The following CHRM3 variants were observed in gnomAD, a reference collection of about 807,000 sequenced individuals.
The protein encoded by CHRM3 is cholinergic receptor muscarinic 3, also known as muscarinic acetylcholine receptor M3.
CHRM3 carries 11 observed loss-of-function variants against 41.8 expected under a neutral mutation model. That is an observed-to-expected ratio of 0.26 (90% CI 0.17 to 0.44). The LOEUF (loss-of-function observed/expected upper bound fraction) is 0.44. Ranked by LOEUF, CHRM3 falls within the 20% of genes least tolerant of loss-of-function variation. The pLI, the probability that CHRM3 is intolerant of heterozygous loss-of-function variation, is 1.00. For synonymous variants in CHRM3, 297 were observed against 301.4 expected (o/e 0.99, Z 0.15); for missense variants, 571 against 745.4 (o/e 0.77, Z 2.72).
intron 5 of CHRM3, among the ~76,000 whole-genome samples, chr1:239,822,782 G>A (rs1433318084): frequency 6.6e-6 from 1 of 152,170 alleles, no homozygotes; most frequent in Non-Finnish European, 1.5e-5. Flanking sequence ...AATGAGACAT[G>A]GAAAGGGGAT....
chr1:239,571,980 A>G (rs1661871012), intron 3 of CHRM3, among the ~76,000 whole-genome samples: 1 of 152,136 alleles, frequency 6.6e-6, no homozygotes, highest in Non-Finnish European at 1.5e-5. Context: ...CTACCATTTA[A>G]TTATAAAACT....
rs112055547 is a variant in CHRM3, at chr1:239,437,426, T to G, written c.-521+50199T>G. 5.5e-3 allele frequency among the ~76,000 whole-genome samples: 840 copies of G among 152,346 alleles called. 11 individuals are homozygous for G. The highest frequency in any genetic ancestry group is 0.019 in the African/African-American group (795 of 41,574). On this transcript the variant is annotated intron_variant, in intron 1 of 6. Coordinates refer to ENST00000676153, the MANE Select transcript of CHRM3 (RefSeq NM_001375978.1). ...TATTTCTTGATGCCACTGTTGTTTCTTCCAGAACTCTAAAATTCTGCCACT... is the reference window on the plus strand; with the variant it reads ...TATTTCTTGATGCCACTGTTGTTTCGTCCAGAACTCTAAAATTCTGCCACT...
At chr1:239,486,117 G>A (rs1019793253) in intron 1 of CHRM3, among the ~76,000 whole-genome samples, 2 of 152,144 alleles carry the variant, frequency 1.3e-5, no homozygotes, top group African/African-American at 4.8e-5. Flanking sequence ...TGTAAGCCAC[G>A]TCCCCACACA....
intron 5 of CHRM3, chr1:239,727,905 G>T (rs1442962362): frequency 6.6e-6 from 1 of 152,006 alleles, no homozygotes; most frequent in South Asian, 2.1e-4. Context: ...TGCTGCCCTT[G>T]AAGTTTCCTT....
At chr1:239,627,817 G>A (rs1324328742) in intron 3 of CHRM3, among the ~76,000 whole-genome samples, 3 of 150,494 alleles carry the variant, frequency 2.0e-5, no homozygotes, top group African/African-American at 4.9e-5. Context: ...CTTTAAGAAC[G>A]TTGAATATTG....
chr1:239,684,736 G>GGAAAGAGAGAA (rs1558451957), intron 5 of CHRM3, among the ~76,000 whole-genome samples: 1 of 137,508 alleles, frequency 7.3e-6, no homozygotes, highest in African/African-American at 2.7e-5. Flanking sequence ...GGAAAGGAAA[G>GGAAAGAGAGAA]AGAGAAAGAA....
intron 4 of CHRM3, among the ~76,000 whole-genome samples, chr1:239,659,355 C>G (rs772100277): frequency 2.0e-5 from 3 of 152,116 alleles, no homozygotes; most frequent in Non-Finnish European, 4.4e-5. Flanking sequence ...TGGCAGATCC[C>G]TATGGATTTA....
chr1:239,703,136 T>C (rs1314646325), intron 5 of CHRM3: 1 of 152,194 alleles, frequency 6.6e-6, no homozygotes, highest in Non-Finnish European at 1.5e-5. Context: ...ACTTCTATTC[T>C]CCTGGGAAAT....
At chr1:239,461,770 C>T (rs776402559) in intron 1 of CHRM3, among the ~76,000 whole-genome samples, 7 of 152,026 alleles carry the variant, frequency 4.6e-5, no homozygotes, top group South Asian at 4.2e-4. Flanking sequence ...TCCTCACCAC[C>T]GAGGAACGTG....
chr1:239,448,981 A>AT (rs925021674), intron 1 of CHRM3, among the ~76,000 whole-genome samples: 1 of 152,156 alleles, frequency 6.6e-6, no homozygotes, highest in Non-Finnish European at 1.5e-5. Flanking sequence ...GGAATATCAG[A>AT]TTTTTTTCAA....
chr1:239,869,731 A>G (rs966009094), intron 6 of CHRM3, among the ~76,000 whole-genome samples: 4 of 152,152 alleles, frequency 2.6e-5, no homozygotes, highest in South Asian at 2.1e-4. Context: ...TTTTATGTGC[A>G]TATGTCTTTA....
intron 3 of CHRM3, among the ~76,000 whole-genome samples, chr1:239,594,608 T>G (rs1240444879): frequency 6.6e-6 from 1 of 152,238 alleles, no homozygotes; most frequent in Non-Finnish European, 1.5e-5. Context: ...AAGTGCAATT[T>G]CAGATACATT....
intron 2 of CHRM3, among the ~76,000 whole-genome samples, chr1:239,498,762 T>C (rs1668038489): frequency 4.6e-5 from 7 of 152,156 alleles, no homozygotes; most frequent in Admixed American, 4.6e-4. Context: ...AAATGTATCA[T>C]TTCTCCCTTA....
intron 1 of CHRM3, among the ~76,000 whole-genome samples, chr1:239,404,317 A>AAAGG (rs1289092333): frequency 4.1e-5 from 6 of 145,280 alleles, no homozygotes; most frequent in African/African-American, 1.0e-4. Context: ...GAGAAGAAAG[A>AAAGG]AAGGAAGGAA....
intron 2 of CHRM3, among the ~76,000 whole-genome samples, chr1:239,532,251 TCCGCC>T (rs2148337247): frequency 6.8e-6 from 1 of 147,854 alleles, no homozygotes; most frequent in South Asian, 2.2e-4. Flanking sequence ...GACCTCATGA[TCCGCC>T]CACCTCGGCC....
intron 5 of CHRM3, among the ~76,000 whole-genome samples, chr1:239,732,335 GT>G (rs34092911): frequency 0.88 from 14,744 of 16,736 alleles, 6,697 homozygotes; most frequent in East Asian, 0.98. Flanking sequence ...ACTTAGATAA[GT>G]ATACCTAATA....
At chr1:239,469,390 G>T (rs1414017559) in intron 1 of CHRM3, among the ~76,000 whole-genome samples, 1 of 152,126 alleles carries the variant, frequency 6.6e-6, no homozygotes, top group African/African-American at 2.4e-5. Flanking sequence ...AATCATCTTG[G>T]TATCCTCAGT....
intron 5 of CHRM3, among the ~76,000 whole-genome samples, chr1:239,784,359 A>G (rs1237665491): frequency 6.6e-6 from 1 of 151,854 alleles, no homozygotes; most frequent in Non-Finnish European, 1.5e-5. Context: ...TGAACATTCT[A>G]TGTGATTTCA....
At chr1:239,595,787 T>C (rs1558353165) in intron 3 of CHRM3, among the ~76,000 whole-genome samples, 1 of 152,234 alleles carries the variant, frequency 6.6e-6, no homozygotes, top group African/African-American at 2.4e-5. Flanking sequence ...ACCAGGGGAA[T>C]ATATTCTAAT....
Sources: allele counts gnomAD v4.1 joint callset (sites outside exome capture counted in the v4.1 genomes callset), GRCh38; gene constraint gnomAD v4.1.1; transcripts MANE v1.5; gene names NCBI Gene and HGNC (gene_info 2026-07-23, HGNC 2026-07-21).